The following CYB5RL variants were observed in gnomAD, a reference collection of about 807,000 sequenced individuals.
CYB5RL encodes NADH-cytochrome b5 reductase-like.
Under a neutral mutation model 37.5 loss-of-function variants are expected in CYB5RL, and 38 were observed. That is an observed-to-expected ratio of 1.01 (90% CI 0.78 to 1.33). CYB5RL has a LOEUF of 1.33. Ranked by LOEUF, CYB5RL falls within the 40% of genes most tolerant of loss-of-function variation. CYB5RL has a pLI of 0.00. For synonymous variants in CYB5RL, 141 were observed against 151.9 expected, an observed-to-expected ratio of 0.93 and a Z score of 0.53; for missense variants, 388 against 394.4, an observed-to-expected ratio of 0.98 and a Z score of 0.14.
intron 4 of CYB5RL, among the ~76,000 whole-genome samples, chr1:54,189,429 G>T (rs916301510): frequency 7.9e-5 from 12 of 152,166 alleles, no homozygotes; most frequent in African/African-American, 2.7e-4. Context: ...TGGGAATGGG[G>T]CGTGGAGCAG....
At position 54,178,932 on chromosome 1, in the gene CYB5RL, G is replaced by A. The variant is rs552049989; in HGVS notation, c.744+217C>T. 5.3e-5 allele frequency among the ~76,000 whole-genome samples: 8 copies of A among 152,328 alleles called. No individual in the cohort carries two copies. In the South Asian group the frequency reaches 1.0e-3, roughly 20 times the overall value. ...CCTGGCCTCAGCCCTGTCCAGCAGC[G>A]TGAGCCGGTGGGCAGCTTCACCCAC... On this transcript the variant is annotated intron_variant, in intron 7 of 7. Coordinates refer to ENST00000534324, the MANE Select transcript of CYB5RL (RefSeq NM_001031672.4).
In CYB5RL at chr1:54,187,662, AC is replaced by A. The variant is rs751993875; in HGVS notation, c.424del (p.Val142CysfsTer2). 6.2e-7 allele frequency: 1 copy of A among 1,613,718 alleles called. No homozygotes were observed. Among genetic ancestry groups the A allele is most frequent in the African/African-American group, 1.3e-5 (1 of 74,848 alleles). On this transcript the variant is annotated frameshift_variant, in exon 5 of 8. Coordinates refer to ENST00000534324, the MANE Select transcript of CYB5RL (RefSeq NM_001031672.4). LOFTEE classifies it high-confidence loss of function. ...SPANAEGYFE[V>X]LIKCYQMGLM... ...CAAGGGTCAACTCACCTTAATTAACACTTCAAAGTATCCTTCTGCGTTGGCA... is the reference window on the plus strand; with the variant it reads ...CAAGGGTCAACTCACCTTAATTAACATTCAAAGTATCCTTCTGCGTTGGCA...
intron 1 of CYB5RL, among the ~76,000 whole-genome samples, chr1:54,197,317 C>CT (rs766084507): frequency 0.046 from 5,752 of 123,988 alleles, 190 homozygotes; most frequent in African/African-American, 0.069. Flanking sequence ...CTTTTCTTTT[C>CT]TTTTTTTTTT....
rs1659848980 is a variant in CYB5RL at position 54,169,709 on chromosome 1, A to G, written c.*4910T>C. On this transcript the variant is annotated 3_prime_UTR_variant, in exon 8 of 8. Transcript: ENST00000534324. ...GAAAAACAGAAAAAGGTAGAAAATA[A>G]TATAGTAGACATTGGGGAACTCATT... The G allele has an allele frequency of 6.6e-6, 1 of 152,244 alleles. No individual in the cohort carries two copies. The highest frequency in any genetic ancestry group is 1.5e-5 in the Non-Finnish European group (1 of 68,046). 9.4% of individuals were successfully genotyped at this position (152,244 alleles called of 1,614,324 possible). A position where few individuals can be genotyped will look rare whatever the true frequency, so the allele number is the denominator to read the frequency against.
At chr1:54,194,843 CTG>C (rs1643991582) in intron 3 of CYB5RL, among the ~76,000 whole-genome samples, 1 of 152,178 alleles carries the variant, frequency 6.6e-6, no homozygotes, top group African/African-American at 2.4e-5. Flanking sequence ...GTTTCCCTAT[CTG>C]TGTTATACAG....
intron 3 of CYB5RL, among the ~76,000 whole-genome samples, chr1:54,194,012 A>G (rs1438910006): frequency 7.0e-6 from 1 of 142,874 alleles, no homozygotes; most frequent in Non-Finnish European, 1.5e-5. Context: ...CTCAATAATA[A>G]TAATAATAAT....
intron 5 of CYB5RL, 29 bp from the exon 6 acceptor site, chr1:54,184,294 G>A (rs201383527): frequency 8.9e-5 from 141 of 1,590,724 alleles, no homozygotes; most frequent in Non-Finnish European, 5.9e-5. Context: ...AGACGTCAGC[G>A]GGACAGGTAC....
At chr1:54,178,358 C>G (rs573648672) in intron 7 of CYB5RL, among the ~76,000 whole-genome samples, 20 of 152,110 alleles carry the variant, frequency 1.3e-4, no homozygotes, top group Non-Finnish European at 1.0e-4. Flanking sequence ...CACAGGGGGC[C>G]CAGCAGGAAT....
At chr1:54,175,515 C>A in intron 7 of CYB5RL, 1 of 309,984 alleles carries the variant, frequency 3.2e-6, no homozygotes, top group Non-Finnish European at 6.8e-6. Flanking sequence ...GAAGGCTCCA[C>A]TCCCAGGTGA....
chr1:54,176,803 G>A (rs1033268355), intron 7 of CYB5RL, among the ~76,000 whole-genome samples: 2 of 152,174 alleles, frequency 1.3e-5, no homozygotes, highest in South Asian at 2.1e-4. Context: ...AAACAGTGAC[G>A]GTGCAGCAGG....
chr1:54,179,190 C>T lies in CYB5RL; in HGVS notation c.703G>A (p.Ala235Thr). ...IYLKTFLQEQ[A>T]RFWNVRTFFV... ...AAGGTACGGACATTCCAGAAACGGGCCTGCTCTTGGAGGAAGGTTTTCAGG... is the reference window on the plus strand; with the variant it reads ...AAGGTACGGACATTCCAGAAACGGGTCTGCTCTTGGAGGAAGGTTTTCAGG... The change falls in exon 7 of 8, where the codon GCC becomes ACC. Residue 235 changes from alanine (A) to threonine (T), a missense_variant. Coordinates refer to ENST00000534324, the MANE Select transcript of CYB5RL (RefSeq NM_001031672.4). The T allele has an allele frequency of 1.2e-6, 2 of 1,613,676 alleles. No homozygotes were observed. Among genetic ancestry groups the T allele is most frequent in the Non-Finnish European group, 1.7e-6 (2 of 1,179,802 alleles).
At chr1:54,183,460 G>C (rs562170185) in intron 6 of CYB5RL, among the ~76,000 whole-genome samples, 1 of 152,286 alleles carries the variant, frequency 6.6e-6, no homozygotes, top group African/African-American at 2.4e-5. Flanking sequence ...GGAAAGTCGG[G>C]GAAGGGTTTA....
intron 4 of CYB5RL, among the ~76,000 whole-genome samples, chr1:54,188,447 C>T (rs1325737696): frequency 6.6e-6 from 1 of 152,176 alleles, no homozygotes; most frequent in Admixed American, 6.5e-5. Flanking sequence ...CACTTACTAG[C>T]ACCTGACAGA....
chr1:54,176,657 TG>T (rs1660027053), intron 7 of CYB5RL, among the ~76,000 whole-genome samples: 3 of 152,222 alleles, frequency 2.0e-5, no homozygotes, highest in Non-Finnish European at 4.4e-5. Context: ...GATGGGGCCT[TG>T]GGGCCCACTG....
Position 54,180,734 on chromosome 1 carries a change from T to C in CYB5RL, c.541-1382A>G, listed in dbSNP as rs534169570. On this transcript the variant is annotated intron_variant, in intron 6 of 7. Transcript: ENST00000534324. ...GCCTCTGGGTATAAATCCCCAACCA[T>C]GTGATCTGGGCAAGCTCTTTCACCA... Among the ~76,000 whole-genome samples, 3 of 152,242 alleles carry C rather than the reference T, an allele frequency of 2.0e-5. No individual in the cohort carries two copies. In the South Asian group the frequency reaches 6.2e-4, roughly 32 times the overall value.
Position 54,181,933 on chromosome 1 carries a change from G to C in CYB5RL, c.540+2228C>G, listed in dbSNP as rs994678676. Among the ~76,000 whole-genome samples, 72 of 152,070 alleles carry C rather than the reference G, an allele frequency of 4.7e-4. 1 individual carries two copies. The highest frequency in any genetic ancestry group is 5.9e-4 in the Non-Finnish European group (40 of 68,034). ...CACTCCAGCTTGGGCAACAGGGAGG[G>C]AAGGAGGACGGGAAGACAGGAAGGC... On this transcript the variant is annotated intron_variant, in intron 6 of 7. Coordinates refer to ENST00000534324, the MANE Select transcript of CYB5RL (RefSeq NM_001031672.4).
Position 54,184,142 on chromosome 1 carries a change from T to C in CYB5RL, c.540+19A>G. The C allele has an allele frequency of 5.0e-6, 8 of 1,605,840 alleles. No individual in the cohort carries two copies. Among genetic ancestry groups the C allele is most frequent in the Non-Finnish European group, 6.8e-6 (8 of 1,175,696 alleles). On this transcript the variant is annotated intron_variant, in intron 6 of 7. Coordinates refer to ENST00000534324, the MANE Select transcript of CYB5RL (RefSeq NM_001031672.4). The stretch of plus-strand genomic sequence containing the variant: ...CAGTCAACAGGGATCTCCTGAAGAT[T>C]TAAGGTGCTGGCACTGACCTGGTTT...
Position 54,195,609 on chromosome 1 carries a change from G to A in CYB5RL, c.8C>T (p.Ala3Val). ...AGTGTCGTCGTCCTCTTCCCTCTCA[G>A]CCATCATCAGTGGGGCTTGGGCAGC... MM[A>V]EREEDDDTEE... Residue 3 changes from alanine to valine, a missense_variant, in exon 3 of 8, where the codon GCT (alanine) becomes GTT (valine). Ala to Val is a moderately conservative substitution (Grantham distance 64). Coordinates refer to ENST00000534324, the MANE Select transcript of CYB5RL (RefSeq NM_001031672.4). The A allele has an allele frequency of 6.2e-7, 1 of 1,608,452 alleles. No individual in the cohort carries two copies. The highest frequency in any genetic ancestry group is 2.2e-5 in the East Asian group (1 of 44,808).
At chr1:54,191,779 C>A (rs1293087884) in intron 3 of CYB5RL, among the ~76,000 whole-genome samples, 1 of 152,216 alleles carries the variant, frequency 6.6e-6, no homozygotes, top group Admixed American at 6.5e-5. Context: ...CCTTCCCACA[C>A]CCACCATCCA....
Sources: allele counts gnomAD v4.1 joint callset (sites outside exome capture counted in the v4.1 genomes callset), GRCh38; gene constraint gnomAD v4.1.1; transcripts MANE v1.5; gene names NCBI Gene and HGNC (gene_info 2026-07-23, HGNC 2026-07-21).